Variants in RYR3 observed in about 807,000 individuals in gnomAD.
The protein encoded by RYR3 is ryanodine receptor 3, also known as brain ryanodine receptor-calcium release channel.
Under a neutral mutation model 584.3 loss-of-function variants are expected in RYR3, and 207 were observed. The observed-to-expected ratio is 0.35, with a 90% confidence interval of 0.32 to 0.40. The LOEUF (loss-of-function observed/expected upper bound fraction) is 0.40, where lower values mean the gene tolerates loss of function less well. RYR3 is among the 10% of genes least tolerant of loss of function. The probability of loss-of-function intolerance (pLI) is 1.00; values close to 1 mark genes in which losing one functional copy is unlikely to be tolerated. For synonymous variants in RYR3, 2,416 were observed against 2,248.5 expected, an observed-to-expected ratio of 1.07 and a Z score of -2.11; for missense variants, 5,616 against 6,089.2, an observed-to-expected ratio of 0.92 and a Z score of 2.59.
chr15:33,825,723 C>CTTTTTTTTT, intron 82 of RYR3, 47 bp downstream of exon 82: 1 of 472,618 alleles, frequency 2.1e-6, no homozygotes, highest in Non-Finnish European at 3.5e-6. Context: ...TGATTAAAAT[C>CTTTTTTTTT]TTTTTTTTTT....
intron 102 of RYR3, 70 bp from the exon 103 acceptor site, chr15:33,864,068 C>T: frequency 8.5e-7 from 1 of 1,174,182 alleles, no homozygotes; most frequent in South Asian, 1.3e-5. Flanking sequence ...GAGCCCTGAT[C>T]ACAGTTAATC....
intron 1 of RYR3, among the ~76,000 whole-genome samples, chr15:33,335,866 TAGA>T (rs1488376204): frequency 6.6e-6 from 1 of 152,092 alleles, no homozygotes; most frequent in East Asian, 1.9e-4. Flanking sequence ...AGGCTGGTAC[TAGA>T]AGAAGAGAAA....
chr15:33,513,451 G>A (rs577992137), intron 3 of RYR3, among the ~76,000 whole-genome samples: 1 of 152,294 alleles, frequency 6.6e-6, no homozygotes, highest in South Asian at 2.1e-4. Flanking sequence ...AAATGATGAC[G>A]TGGAATCGGT....
chr15:33,502,832 C>T (rs1390152170), intron 2 of RYR3, among the ~76,000 whole-genome samples: 3 of 152,138 alleles, frequency 2.0e-5, no homozygotes, highest in Non-Finnish European at 2.9e-5. Flanking sequence ...GCCTTCGTTT[C>T]CTTGGCTAGA....
At chr15:33,821,222 G>C (rs780879475) in intron 78 of RYR3, 48 bp from the exon 79 acceptor site, 1 of 1,470,592 alleles carries the variant, frequency 6.8e-7, no homozygotes, top group African/African-American at 1.4e-5. Context: ...TGAACTCCCT[G>C]GTGCTGGGTA....
chr15:33,449,623 G>A (rs538435198), intron 1 of RYR3, among the ~76,000 whole-genome samples: 12 of 152,296 alleles, frequency 7.9e-5, no homozygotes, highest in Non-Finnish European at 1.6e-4. Flanking sequence ...TAACAGTGTC[G>A]TGTGTTGTCC....
intron 10 of RYR3, among the ~76,000 whole-genome samples, chr15:33,556,500 A>G (rs1411346812): frequency 6.6e-6 from 1 of 152,204 alleles, no homozygotes; most frequent in Non-Finnish European, 1.5e-5. Context: ...TGATGTTTTC[A>G]TTGATGCTGA....
chr15:33,489,937 C>T (rs200488137), intron 2 of RYR3, among the ~76,000 whole-genome samples: 2 of 26,514 alleles, frequency 7.5e-5, no homozygotes, highest in Non-Finnish European at 1.7e-4. Context: ...CCATTCATTC[C>T]TTAAAGTTTC....
chr15:33,819,401 G>A (rs566197840), intron 76 of RYR3, among the ~76,000 whole-genome samples: 1 of 152,252 alleles, frequency 6.6e-6, no homozygotes, highest in Admixed American at 6.5e-5. Flanking sequence ...GCTGGGCATG[G>A]TGGCTCATGC....
chr15:33,465,726 G>A (rs62015585), intron 1 of RYR3: 1 of 519,072 alleles, frequency 1.9e-6, no homozygotes, highest in South Asian at 1.4e-5. Flanking sequence ...GTTGTGACAA[G>A]AGATGATGGC....
At chr15:33,391,139 T>A (rs1247631565) in intron 1 of RYR3, among the ~76,000 whole-genome samples, 2 of 152,086 alleles carry the variant, frequency 1.3e-5, no homozygotes, top group Non-Finnish European at 2.9e-5. Flanking sequence ...CCCTCATCCC[T>A]CCAGCCCCAC....
chr15:33,556,463 G>T (rs903577351), intron 10 of RYR3, among the ~76,000 whole-genome samples: 2 of 152,194 alleles, frequency 1.3e-5, no homozygotes, highest in Non-Finnish European at 2.9e-5. Context: ...TAAACAAAAT[G>T]CTGCATTAGA....
intron 100 of RYR3, 106 bp downstream of exon 100, chr15:33,859,837 T>C: frequency 8.1e-7 from 1 of 1,234,514 alleles, no homozygotes; most frequent in Non-Finnish European, 1.1e-6. Context: ...TGAATTCATT[T>C]ACTTGTTAAT....
At chr15:33,502,874 G>A (rs1228252277) in intron 2 of RYR3, among the ~76,000 whole-genome samples, 3 of 152,138 alleles carry the variant, frequency 2.0e-5, no homozygotes, top group African/African-American at 7.2e-5. Flanking sequence ...TCTCTTATAG[G>A]ATGGTTGTGA....
intron 3 of RYR3, among the ~76,000 whole-genome samples, chr15:33,527,182 C>T (rs947418281): frequency 6.6e-6 from 1 of 151,748 alleles, no homozygotes; most frequent in African/African-American, 2.4e-5. Context: ...CAGACTATGG[C>T]CTGTTTATGT....
chr15:33,394,365 G>T (rs2676049), intron 1 of RYR3, among the ~76,000 whole-genome samples: 28,828 of 152,156 alleles, frequency 0.19, 4,421 homozygotes, highest in African/African-American at 0.42. Flanking sequence ...GATGGGAGAA[G>T]CAGAAAAATC....
chr15:33,542,143 C>T (rs895305376), intron 7 of RYR3, among the ~76,000 whole-genome samples: 5 of 152,070 alleles, frequency 3.3e-5, no homozygotes, highest in Admixed American at 1.3e-4. Context: ...AGAAAAATGT[C>T]CTTCCAGCAT....
At chr15:33,812,538 C>G (rs7172414) in intron 72 of RYR3, among the ~76,000 whole-genome samples, 6,662 of 151,692 alleles carry the variant, frequency 0.044, 479 homozygotes, top group African/African-American at 0.15. Context: ...AATTAAAAAC[C>G]TAATAAATGG....
intron 2 of RYR3, among the ~76,000 whole-genome samples, chr15:33,476,391 A>G (rs2049381950): frequency 6.6e-6 from 1 of 152,258 alleles, no homozygotes. Flanking sequence ...TTCAAGCAAG[A>G]TAAGACTGAA....
Sources: gnomAD v4.1 joint callset for allele counts (sites outside exome capture counted in the v4.1 genomes callset) on GRCh38, gnomAD v4.1.1 for gene constraint, MANE v1.5 for transcripts, NCBI Gene and HGNC (gene_info 2026-07-23, HGNC 2026-07-21) for gene names.